PCDH15: variants seen among roughly 807,000 people sequenced by gnomAD.
PCDH15 encodes the protein protocadherin related 15.
A neutral mutation model predicts 178.5 loss-of-function variants in PCDH15; 129 were observed. That is an observed-to-expected ratio of 0.72 (90% CI 0.63 to 0.84). The LOEUF is 0.84. Ranked by LOEUF, PCDH15 falls within the 40% of genes least tolerant of loss-of-function variation. The pLI is 0.00. For missense variants in PCDH15, 2,230 were observed against 2,099.9 expected, an observed-to-expected ratio of 1.06 and a Z score of -1.21; for synonymous variants, 800 against 732.0, an observed-to-expected ratio of 1.09 and a Z score of -1.50.
At chr10:55,300,869 G>A (rs964009159) in intron 1 of PCDH15, among the ~76,000 whole-genome samples, 11 of 152,064 alleles carry the variant, frequency 7.2e-5, no homozygotes, top group African/African-American at 2.7e-4. Flanking sequence ...CACAATTTTA[G>A]AACAATATTA....
At chr10:54,667,479 TAATTGGAAGAGATC>T (rs2094589392) in intron 1 of PCDH15, among the ~76,000 whole-genome samples, 1 of 152,104 alleles carries the variant, frequency 6.6e-6, no homozygotes, top group African/African-American at 2.4e-5. Flanking sequence ...GTGATCAAAT[TAATTGGAAGAGATC>T]AAATGCTTTA....
chr10:54,572,531 G>C (rs985239074), intron 2 of PCDH15, among the ~76,000 whole-genome samples: 3 of 152,112 alleles, frequency 2.0e-5, no homozygotes, highest in Non-Finnish European at 4.4e-5. Context: ...GTCATTCCCT[G>C]TTCAAATATT....
intron 3 of PCDH15, among the ~76,000 whole-genome samples, chr10:54,399,457 G>A (rs1951665440): frequency 2.6e-5 from 4 of 151,882 alleles, no homozygotes; most frequent in Admixed American, 2.6e-4. Flanking sequence ...ACATCAGGTG[G>A]GTTTCTCTGA....
chr10:54,020,435 T>C lies in PCDH15; in HGVS notation c.2527-19A>G. On this transcript the variant is annotated intron_variant, in intron 19 of 37. Transcript: ENST00000644397. ...CTTTGGCCTGTAATAAGCAGAAGAA[T>C]AGTTTTATTAGTGACGTTACCAAAA... is the stretch of plus-strand genomic sequence containing the variant. 1.9e-6 allele frequency: 3 copies of C among 1,607,000 alleles called. No homozygotes were observed. The highest frequency in any genetic ancestry group is 2.6e-6 in the Non-Finnish European group (3 of 1,174,052).
chr10:55,385,875 A>T (rs2132007512), intron 2 of PCDH15, among the ~76,000 whole-genome samples: 1 of 151,010 alleles, frequency 6.6e-6, no homozygotes. Context: ...GCGCACATGT[A>T]TCTATTTAAA....
intron 1 of PCDH15, among the ~76,000 whole-genome samples, chr10:54,691,525 G>A (rs2095119964): frequency 6.6e-6 from 1 of 151,768 alleles, no homozygotes; most frequent in South Asian, 2.1e-4. Flanking sequence ...AAAGCTTTCT[G>A]CAGCAGGAGC....
rs894586511 is a variant in PCDH15, at chr10:53,814,885, A to G, written c.4491+1354T>C. On this transcript the variant is annotated intron_variant, in intron 35 of 37. Transcript: ENST00000644397. ...AGGCTGAGGCAGGAGAATCGCTTGA[A>G]CCCAGGAGGTGGAGGTTGCAGTAAG... Among the ~76,000 whole-genome samples the G allele has an allele frequency of 8.0e-5, 12 of 150,926 alleles. No individual in the cohort carries two copies. The Admixed American group carries it at 8.0e-4, about 10-fold the overall frequency.
chr10:54,215,125 C>T (rs371150751), intron 9 of PCDH15, among the ~76,000 whole-genome samples: 42 of 152,226 alleles, frequency 2.8e-4, no homozygotes, highest in African/African-American at 9.9e-4. Flanking sequence ...TATAACTAAT[C>T]ATCAATAACT....
intron 2 of PCDH15, among the ~76,000 whole-genome samples, chr10:54,922,862 A>G (rs1424311795): frequency 6.6e-6 from 1 of 152,114 alleles, no homozygotes; most frequent in Non-Finnish European, 1.5e-5. Context: ...TTGATGGATC[A>G]AACATTTTGG....
chr10:55,005,890 TG>T (rs1839916545), intron 2 of PCDH15, among the ~76,000 whole-genome samples: 4 of 152,062 alleles, frequency 2.6e-5, no homozygotes, highest in Admixed American at 2.6e-4. Context: ...AGAACTATTT[TG>T]CTCTATAAAT....
chr10:53,952,122 AG>A (rs1378366386), intron 23 of PCDH15, among the ~76,000 whole-genome samples: 1 of 152,142 alleles, frequency 6.6e-6, no homozygotes, highest in African/African-American at 2.4e-5. Context: ...GGATCCCTGA[AG>A]GGCCACTTCG....
intron 13 of PCDH15, among the ~76,000 whole-genome samples, chr10:54,171,838 T>A (rs1427410275): frequency 1.3e-4 from 19 of 151,572 alleles, no homozygotes; most frequent in Admixed American, 1.3e-3. Context: ...ATGACAAATG[T>A]TTCTTCTAAC....
intron 2 of PCDH15, among the ~76,000 whole-genome samples, chr10:55,597,596 A>G (rs1396497547): frequency 2.0e-5 from 3 of 152,172 alleles, no homozygotes; most frequent in African/African-American, 4.8e-5. Flanking sequence ...TAATACTTCA[A>G]GCATCCCTCT....
intron 3 of PCDH15, among the ~76,000 whole-genome samples, chr10:54,473,404 G>C (rs1450714769): frequency 1.3e-5 from 2 of 152,028 alleles, no homozygotes; most frequent in African/African-American, 4.8e-5. Context: ...AAGCAATGAA[G>C]AAAGAGTTGG....
intron 3 of PCDH15, among the ~76,000 whole-genome samples, chr10:54,460,500 A>G (rs1263609120): frequency 6.6e-6 from 1 of 152,086 alleles, no homozygotes; most frequent in East Asian, 1.9e-4. Context: ...GGAGAAGGAG[A>G]CAAACAAGAT....
chr10:54,496,751 T>C (rs2080154389), intron 3 of PCDH15, among the ~76,000 whole-genome samples: 1 of 152,140 alleles, frequency 6.6e-6, no homozygotes, highest in South Asian at 2.1e-4. Flanking sequence ...ACTTCCCTTA[T>C]TTTAAAAGTT....
At chr10:55,465,682 T>A (rs1303165425) in intron 2 of PCDH15, among the ~76,000 whole-genome samples, 6 of 152,132 alleles carry the variant, frequency 3.9e-5, no homozygotes, top group Non-Finnish European at 7.4e-5. Flanking sequence ...CTATATAGTA[T>A]CACATTGTCT....
intron 2 of PCDH15, among the ~76,000 whole-genome samples, chr10:54,618,812 A>G (rs1198569924): frequency 6.6e-6 from 1 of 152,086 alleles, no homozygotes; most frequent in African/African-American, 2.4e-5. Context: ...TGGTGTCTAA[A>G]TAAGCTCACC....
intron 2 of PCDH15, among the ~76,000 whole-genome samples, chr10:54,967,799 A>G (rs761454635): frequency 1.3e-4 from 20 of 152,070 alleles, no homozygotes; most frequent in Non-Finnish European, 2.6e-4. Flanking sequence ...CCATGGTGGG[A>G]GCAGTTGTGA....
Sources: gnomAD v4.1 joint callset for allele counts (sites outside exome capture counted in the v4.1 genomes callset) on GRCh38, gnomAD v4.1.1 for gene constraint, MANE v1.5 for transcripts, NCBI Gene and HGNC (gene_info 2026-07-23, HGNC 2026-07-21) for gene names.